Variants in PCDHA2 observed in about 807,000 individuals in gnomAD.
PCDHA2 encodes protocadherin alpha 2, also known as protocadherin alpha-2.
PCDHA2 carries 58 observed loss-of-function variants against 66.0 expected under a neutral mutation model. The ratio of observed to expected loss-of-function variants is 0.88; its 90% CI spans 0.71 to 1.09. The LOEUF (loss-of-function observed/expected upper bound fraction) is 1.09, where lower values mean the gene tolerates loss of function less well. Ranked by LOEUF, PCDHA2 falls within the 50% of genes least tolerant of loss-of-function variation. The probability of loss-of-function intolerance (pLI) is 0.00; values close to 1 mark genes in which losing one functional copy is unlikely to be tolerated. For missense variants in PCDHA2, 1,267 were observed against 1,242.3 expected (o/e 1.02, Z -0.30); for synonymous variants, 634 against 554.0 (o/e 1.14, Z -2.03).
intron 1 of PCDHA2, among the ~76,000 whole-genome samples, chr5:140,921,440 G>A (rs1026829665): frequency 6.6e-6 from 1 of 152,056 alleles, no homozygotes; most frequent in Non-Finnish European, 1.5e-5. Flanking sequence ...CTTCAATGGT[G>A]TCTGAAAAGG....
chr5:140,801,406 G>C, intron 1 of PCDHA2: 6 of 1,613,774 alleles, frequency 3.7e-6, no homozygotes, highest in East Asian at 2.2e-5. Flanking sequence ...GCGTCCAAAA[G>C]ACACGGGGAC....
intron 1 of PCDHA2, chr5:140,928,138 A>G (rs1554205540): frequency 1.9e-6 from 3 of 1,614,190 alleles, no homozygotes; most frequent in South Asian, 1.1e-5. Context: ...AGTCCTGATC[A>G]CGGCCTCAGA....
chr5:140,941,201 TC>T (rs1462646812), intron 1 of PCDHA2, among the ~76,000 whole-genome samples: 2 of 103,500 alleles, frequency 1.9e-5, no homozygotes, highest in African/African-American at 7.9e-5. Context: ...TTTTCTTTCT[TC>T]CTTTCTTTCT....
intron 1 of PCDHA2, among the ~76,000 whole-genome samples, chr5:140,975,438 A>T (rs1436743661): frequency 5.9e-5 from 9 of 152,234 alleles, no homozygotes; most frequent in African/African-American, 1.7e-4. Flanking sequence ...ACACCAGGAT[A>T]TAGGGATCTT....
chr5:140,848,504 C>T (rs1554142138), intron 1 of PCDHA2: 4 of 1,587,366 alleles, frequency 2.5e-6, no homozygotes, highest in African/African-American at 2.7e-5. Flanking sequence ...AAATGTTATA[C>T]TCAAGTCGAG....
intron 1 of PCDHA2, chr5:140,802,552 C>A: frequency 6.2e-7 from 1 of 1,614,198 alleles, no homozygotes; most frequent in South Asian, 1.1e-5. Flanking sequence ...AACGACAATG[C>A]GCCGGCATTC....
chr5:140,981,264 C>T (rs2096925155), intron 2 of PCDHA2, among the ~76,000 whole-genome samples: 1 of 152,128 alleles, frequency 6.6e-6, no homozygotes, highest in Non-Finnish European at 1.5e-5. Flanking sequence ...TCAAGATAAG[C>T]AAATGTCTAG....
At chr5:140,979,067 A>C (rs1938790025) in intron 2 of PCDHA2, 60 bp downstream of exon 2, 1 of 1,601,882 alleles carries the variant, frequency 6.2e-7, no homozygotes, top group Non-Finnish European at 8.5e-7. Flanking sequence ...GCTCAGATAA[A>C]CTGCATCTCC....
intron 1 of PCDHA2, among the ~76,000 whole-genome samples, chr5:140,953,569 C>G (rs246030): frequency 0.56 from 85,556 of 151,828 alleles, 24,725 homozygotes; most frequent in African/African-American, 0.69. Context: ...TTAGTGCCCT[C>G]CTCTCCCAAA....
chr5:140,928,771 A>G lies in PCDHA2; in HGVS notation c.2389-50178A>G, dbSNP rs1554206294. 2 of 1,613,880 alleles carry G rather than the reference A, an allele frequency of 1.2e-6. No individual in the cohort carries two copies. Among genetic ancestry groups the G allele is most frequent in the East Asian group, 2.2e-5 (1 of 44,892 alleles). ...CCGTACTGCTCGCTTAGTTCTTCCC[A>G]CTGATGCAGTTAAGCAGAGGGTGGT... On this transcript the variant is annotated intron_variant, in intron 1 of 3. Coordinates refer to ENST00000526136, the MANE Select transcript of PCDHA2 (RefSeq NM_018905.3).
chr5:140,811,802 T>C (rs2126631917), intron 1 of PCDHA2: 1 of 152,354 alleles, frequency 6.6e-6, no homozygotes, highest in South Asian at 2.1e-4. Context: ...TGTCTTCTTT[T>C]GAGAAGTGTC....
chr5:140,843,571 C>T lies in PCDHA2; in HGVS notation c.2388+46219C>T, dbSNP rs1230037847. ...CCAGTGCGGTGGGGAGCTGGTCATA[C>T]TCGCAACAACAGCCGCAGAGGGTGT... On this transcript the variant is annotated intron_variant, in intron 1 of 3. Transcript: ENST00000526136. The T allele has an allele frequency of 3.8e-6, 6 of 1,595,858 alleles. 1 individual carries two copies. In the African/African-American group the frequency reaches 8.1e-5, roughly 21 times the overall value.
In PCDHA2 at chr5:140,882,396, C is replaced by A. The variant is rs1287441519; in HGVS notation, c.2388+85044C>A. 54 of 1,614,078 alleles carry A rather than the reference C, an allele frequency of 3.3e-5. No homozygotes were observed. The highest frequency in any genetic ancestry group is 4.6e-5 in the Non-Finnish European group (54 of 1,180,056). On this transcript the variant is annotated intron_variant, in intron 1 of 3. Transcript: ENST00000526136. The stretch of plus-strand genomic sequence containing the variant: ...GTCCCCGAGGAAGCAAAACACGGCA[C>A]CTTCGTGGGCCGCATCGCTCAGGAC...
rs116357285 is a variant in PCDHA2, at chr5:140,877,275, C to T, written c.2388+79923C>T. 2.8e-4 allele frequency: 456 copies of T among 1,613,776 alleles called. 1 individual carries two copies. In the African/African-American group the frequency reaches 4.6e-3, roughly 16 times the overall value. Reference sequence around the variant, plus strand: ...AAGTGCGCGCGGTGGACGCTGACTCCGGCTATAACGCTTGGCTGTCCTACG... The same window carrying T: ...AAGTGCGCGCGGTGGACGCTGACTCTGGCTATAACGCTTGGCTGTCCTACG... On this transcript the variant is annotated intron_variant, in intron 1 of 3. Transcript: ENST00000526136.
chr5:140,874,334 C>A (rs2153310267), intron 1 of PCDHA2, among the ~76,000 whole-genome samples: 1 of 152,166 alleles, frequency 6.6e-6, no homozygotes, highest in South Asian at 2.1e-4. Context: ...CTGTTTTTTT[C>A]TCTTAAAGCT....
intron 1 of PCDHA2, among the ~76,000 whole-genome samples, chr5:140,937,621 GAAAA>G (rs1276369305): frequency 1.4e-5 from 2 of 142,038 alleles, no homozygotes; most frequent in Non-Finnish European, 3.1e-5. Context: ...CATCTAAAAA[GAAAA>G]AGAAAGGCAG....
rs2150110579 is a variant in PCDHA2, at chr5:140,821,775, G to T, written c.2388+24423G>T. 1.1e-5 allele frequency: 18 copies of T among 1,605,896 alleles called. No individual in the cohort carries two copies. In the Admixed American group the frequency reaches 2.2e-4, roughly 20 times the overall value. On this transcript the variant is annotated intron_variant, in intron 1 of 3. Transcript: ENST00000526136. Reference sequence around the variant, plus strand: ...AAGCTCATAATTGGAACGAGATTGAGATGGTATATTCCCGGAGAGGAAGTC... The same window carrying T: ...AAGCTCATAATTGGAACGAGATTGATATGGTATATTCCCGGAGAGGAAGTC...
At chr5:140,875,538 A>C in intron 1 of PCDHA2, 17 of 1,614,126 alleles carry the variant, frequency 1.1e-5, no homozygotes, top group Non-Finnish European at 1.4e-5. Context: ...TGCTCCTTGC[A>C]GCCTGGGAGG....
chr5:140,882,482 G>A, intron 1 of PCDHA2: 1 of 1,614,048 alleles, frequency 6.2e-7, no homozygotes, highest in South Asian at 1.1e-5. Context: ...CAAAAGACAC[G>A]GGGACCTTCT....
Sources: allele counts gnomAD v4.1 joint callset (sites outside exome capture counted in the v4.1 genomes callset), GRCh38; gene constraint gnomAD v4.1.1; transcripts MANE v1.5; gene names NCBI Gene and HGNC (gene_info 2026-07-23, HGNC 2026-07-21).